LMO1: variants seen among roughly 807,000 people sequenced by gnomAD.
LMO1 encodes the protein rhombotin-1.
Under a neutral mutation model 18.0 loss-of-function variants are expected in LMO1, and 10 were observed. The ratio of observed to expected loss-of-function variants is 0.55; its 90% CI spans 0.34 to 0.94. The LOEUF (loss-of-function observed/expected upper bound fraction) is 0.94. LMO1 is among the 40% of genes least tolerant of loss of function. LMO1 has a pLI of 0.02. For missense variants in LMO1, 183 were observed against 205.7 expected (o/e 0.89, Z 0.68); for synonymous variants, 77 against 77.9 (o/e 0.99, Z 0.06).
chr11:8,227,354 C>T (rs1256947055), intron 2 of LMO1, among the ~76,000 whole-genome samples: 1 of 152,214 alleles, frequency 6.6e-6, no homozygotes, highest in Non-Finnish European at 1.5e-5. Context: ...CTGCCCATCC[C>T]AAGGCCCCCT....
At chr11:8,246,666 G>T (rs1846899257) in intron 1 of LMO1, among the ~76,000 whole-genome samples, 1 of 152,086 alleles carries the variant, frequency 6.6e-6, no homozygotes, top group Non-Finnish European at 1.5e-5. Context: ...ATTTTAAAAA[G>T]GTTAATTTTG....
chr11:8,256,528 C>T (rs541757858), intron 1 of LMO1, among the ~76,000 whole-genome samples: 13 of 152,318 alleles, frequency 8.5e-5, no homozygotes, highest in African/African-American at 3.1e-4. Flanking sequence ...GCTGCCTCTG[C>T]GACCTGGACC....
intron 1 of LMO1, among the ~76,000 whole-genome samples, chr11:8,240,574 T>C (rs890885221): frequency 6.6e-6 from 1 of 152,096 alleles, no homozygotes; most frequent in Admixed American, 6.5e-5. Flanking sequence ...ACCAACAGAT[T>C]CTGTGTCTGG....
At chr11:8,267,734 T>G (rs1847275691), upstream of LMO1, among the ~76,000 whole-genome samples, 1 of 152,206 alleles carries the variant, frequency 6.6e-6, no homozygotes, top group Admixed American at 6.5e-5. Context: ...TTCATTAGCT[T>G]CAAGGTAAAA....
intron 1 of LMO1, among the ~76,000 whole-genome samples, chr11:8,257,394 G>A (rs1023436728): frequency 2.6e-5 from 4 of 152,226 alleles, no homozygotes; most frequent in African/African-American, 9.6e-5. Context: ...GGACAGGTGA[G>A]TGTCCCTCAG....
upstream of LMO1, among the ~76,000 whole-genome samples, chr11:8,266,244 G>C (rs772150158): frequency 4.1e-4 from 62 of 152,284 alleles, no homozygotes; most frequent in Middle Eastern, 3.4e-3. Flanking sequence ...TGGGTGGCTT[G>C]AGCTTCCAGC....
intron 3 of LMO1, among the ~76,000 whole-genome samples, chr11:8,224,997 T>A (rs1327502375): frequency 6.6e-6 from 1 of 151,852 alleles, no homozygotes; most frequent in East Asian, 1.9e-4. Flanking sequence ...AGGTCTCCTG[T>A]GTTGGTGAGT....
intron 1 of LMO1, 144 bp downstream of exon 1, chr11:8,263,194 A>C (rs1238387723): frequency 5.3e-5 from 35 of 659,072 alleles, no homozygotes; most frequent in South Asian, 9.5e-5. Context: ...CCCCCGCCCC[A>C]GCCCCGGCCC....
chr11:8,258,863 T>C (rs572955246), intron 1 of LMO1, among the ~76,000 whole-genome samples: 48 of 152,314 alleles, frequency 3.2e-4, no homozygotes, highest in African/African-American at 1.1e-3. Flanking sequence ...ATGCCAGCAC[T>C]GAGCCCCGGC....
intron 1 of LMO1, among the ~76,000 whole-genome samples, chr11:8,246,243 C>G (rs559805500): frequency 1.3e-5 from 2 of 152,134 alleles, no homozygotes; most frequent in African/African-American, 4.8e-5. Flanking sequence ...TGTACATGAA[C>G]GTTCCTAGCA....
At chr11:8,262,893 G>T (rs1264164248) in intron 1 of LMO1, among the ~76,000 whole-genome samples, 1 of 151,686 alleles carries the variant, frequency 6.6e-6, no homozygotes, top group South Asian at 2.1e-4. Context: ...CCCCGAAGCC[G>T]CTGATTTGCT....
intron 1 of LMO1, among the ~76,000 whole-genome samples, chr11:8,244,992 C>T (rs139801211): frequency 6.0e-4 from 91 of 152,332 alleles, no homozygotes; most frequent in African/African-American, 1.9e-3. Context: ...CTCGTGTGCC[C>T]TATAACCTTC....
intron 1 of LMO1, among the ~76,000 whole-genome samples, chr11:8,256,584 G>A (rs915882455): frequency 3.9e-5 from 6 of 152,206 alleles, no homozygotes; most frequent in African/African-American, 1.4e-4. Context: ...TTTGCCCCCA[G>A]TTGTATCAGC....
At chr11:8,236,223 C>T (rs75798829) in intron 1 of LMO1, among the ~76,000 whole-genome samples, 4,032 of 150,884 alleles carry the variant, frequency 0.027, 69 homozygotes, top group Non-Finnish European at 0.04. Context: ...ACAGGGTCTT[C>T]CTCTGTCTCC....
intron 1 of LMO1, among the ~76,000 whole-genome samples, chr11:8,234,620 C>T (rs1260481431): frequency 6.6e-6 from 1 of 152,190 alleles, no homozygotes; most frequent in Non-Finnish European, 1.5e-5. Context: ...CTCCAGGTCA[C>T]TCCAGGCTCT....
intron 1 of LMO1, among the ~76,000 whole-genome samples, chr11:8,234,920 T>G (rs1038337732): frequency 1.3e-5 from 2 of 152,202 alleles, no homozygotes; most frequent in Admixed American, 1.3e-4. Context: ...GTTCAGACCT[T>G]GAAATCAGGG....
intron 1 of LMO1, among the ~76,000 whole-genome samples, chr11:8,258,775 ATCT>A (rs768458927): frequency 6.6e-5 from 10 of 152,312 alleles, no homozygotes; most frequent in Non-Finnish European, 1.2e-4. Flanking sequence ...TGCTAAAGGC[ATCT>A]TTGAGGACAT....
Position 8,227,078 on chromosome 11 carries a change from A to G in LMO1, c.262T>C (p.Cys88Arg). Residue 88 changes from cysteine to arginine, a missense_variant, in exon 3 of 4, where the codon TGT becomes CGT. Cys to Arg is a radical substitution (Grantham distance 180). Transcript: ENST00000335790. ...YLRLFGTTGN[C>R]AACSKLIPAF... ...GGGATCAGCTTGCTGCAAGCAGCAC[A>G]GTTCCCTGTGGTGCCAAAGAGCCTG... The G allele has an allele frequency of 6.2e-7, 1 of 1,613,780 alleles. No homozygotes were observed.
At chr11:8,236,850 C>T (rs1187434571) in intron 1 of LMO1, among the ~76,000 whole-genome samples, 6 of 152,186 alleles carry the variant, frequency 3.9e-5, no homozygotes, top group Admixed American at 2.0e-4. Context: ...TCTAAGCACA[C>T]GCATGTGTGT....
Sources: gnomAD v4.1 joint callset for allele counts (sites outside exome capture counted in the v4.1 genomes callset) on GRCh38, gnomAD v4.1.1 for gene constraint, MANE v1.5 for transcripts, NCBI Gene and HGNC (gene_info 2026-07-23, HGNC 2026-07-21) for gene names.